The following PAAF1 variants were observed in gnomAD, a reference collection of about 807,000 sequenced individuals.
PAAF1 encodes the protein proteasomal ATPase-associated factor 1.
PAAF1 carries 46 observed loss-of-function variants against 52.8 expected under a neutral mutation model. That is an observed-to-expected ratio of 0.87 (90% CI 0.69 to 1.11). The LOEUF is 1.11. Ranked by LOEUF, PAAF1 falls within the 50% of genes most tolerant of loss-of-function variation. The probability of loss-of-function intolerance (pLI) is 0.00; values close to 1 mark genes in which losing one functional copy is unlikely to be tolerated. For synonymous variants in PAAF1, 178 were observed against 172.8 expected, an observed-to-expected ratio of 1.03 and a Z score of -0.24; for missense variants, 424 against 477.4, an observed-to-expected ratio of 0.89 and a Z score of 1.04.
At chr11:73,897,032 C>T (rs1291717000) in intron 4 of PAAF1, among the ~76,000 whole-genome samples, 2 of 143,842 alleles carry the variant, frequency 1.4e-5, no homozygotes, top group African/African-American at 2.6e-5. Flanking sequence ...AGAGGGGCTC[C>T]TCACTTCCCA....
chr11:73,897,656 C>G (rs1318623251), intron 4 of PAAF1, among the ~76,000 whole-genome samples: 1 of 144,028 alleles, frequency 6.9e-6, no homozygotes, highest in African/African-American at 2.8e-5. Context: ...TCCTCACTTT[C>G]CAGACTGGGC....
At chr11:73,897,600 A>C (rs1293683986) in intron 4 of PAAF1, among the ~76,000 whole-genome samples, 1 of 150,312 alleles carries the variant, frequency 6.7e-6, no homozygotes, top group Admixed American at 6.6e-5. Context: ...GGCCGGGAAG[A>C]GGCGCTCCTC....
At chr11:73,914,312 A>G in intron 7 of PAAF1, 101 bp from the exon 8 acceptor site, 1 of 922,546 alleles carries the variant, frequency 1.1e-6, no homozygotes. Flanking sequence ...TAATAAGTGA[A>G]TCGCTAACAA....
intron 11 of PAAF1, among the ~76,000 whole-genome samples, chr11:73,926,873 T>G (rs2135243356): frequency 6.6e-6 from 1 of 152,254 alleles, no homozygotes; most frequent in African/African-American, 2.4e-5. Context: ...TCATGCTGTT[T>G]TCCTTGAGGA....
At chr11:73,895,398 C>T (rs1322513879) in intron 4 of PAAF1, among the ~76,000 whole-genome samples, 1 of 152,176 alleles carries the variant, frequency 6.6e-6, no homozygotes, top group East Asian at 1.9e-4. Flanking sequence ...ATAGATACCA[C>T]CTGTATCAGG....
At chr11:73,908,855 C>T (rs1949849459) in intron 6 of PAAF1, among the ~76,000 whole-genome samples, 1 of 151,624 alleles carries the variant, frequency 6.6e-6, no homozygotes, top group African/African-American at 2.4e-5. Context: ...GTGGCGTGAT[C>T]TCGGGTCACT....
intron 6 of PAAF1, among the ~76,000 whole-genome samples, chr11:73,907,827 T>C (rs1328842663): frequency 6.6e-6 from 1 of 152,100 alleles, no homozygotes; most frequent in Non-Finnish European, 1.5e-5. Flanking sequence ...AGCTACTTCT[T>C]TCTCAGTCTT....
chr11:73,907,562 G>C (rs758942971), intron 6 of PAAF1, among the ~76,000 whole-genome samples: 6 of 152,156 alleles, frequency 3.9e-5, no homozygotes, highest in Non-Finnish European at 8.8e-5. Context: ...GCACCTCAGG[G>C]CACCTCTTTG....
chr11:73,891,639 G>C (rs534072772), intron 4 of PAAF1, among the ~76,000 whole-genome samples: 2 of 144,108 alleles, frequency 1.4e-5, no homozygotes, highest in South Asian at 4.2e-4. Flanking sequence ...GCTGAGCGTG[G>C]TGGCACTTAC....
At chr11:73,880,890 C>T (rs1163524422) in intron 2 of PAAF1, among the ~76,000 whole-genome samples, 2 of 151,748 alleles carry the variant, frequency 1.3e-5, no homozygotes, top group African/African-American at 2.4e-5. Context: ...ATCCCAGCTA[C>T]TCGGAAGGCT....
intron 3 of PAAF1, chr11:73,889,200 C>G (rs903605236): frequency 6.6e-5 from 99 of 1,501,298 alleles, no homozygotes; most frequent in Non-Finnish European, 8.4e-5. Flanking sequence ...TCACTTCAAA[C>G]ATGATTGCTA....
intron 3 of PAAF1, chr11:73,889,182 A>G (rs2135142640): frequency 6.6e-7 from 1 of 1,522,880 alleles, no homozygotes; most frequent in East Asian, 2.5e-5. Context: ...ACCTGGATAC[A>G]GTCTTTATCA....
intron 9 of PAAF1, among the ~76,000 whole-genome samples, chr11:73,917,235 G>A (rs553056657): frequency 7.2e-5 from 11 of 152,176 alleles, no homozygotes; most frequent in African/African-American, 2.7e-4. Flanking sequence ...TGGTCAGGCT[G>A]ATCTCGAATT....
At chr11:73,886,418 G>A (rs1048697398) in intron 2 of PAAF1, among the ~76,000 whole-genome samples, 1 of 152,154 alleles carries the variant, frequency 6.6e-6, no homozygotes, top group Admixed American at 6.5e-5. Context: ...GCTCACGCCT[G>A]TAATCCCAGC....
In PAAF1 at chr11:73,916,497, A is replaced by C. The variant is rs1591120020; in HGVS notation, c.820-48A>C. 3 of 1,288,700 alleles carry C rather than the reference A, an allele frequency of 2.3e-6. No individual in the cohort carries two copies. The East Asian group carries it at 7.4e-5, about 32-fold the overall frequency. 79.8% of individuals were successfully genotyped at this position (1,288,700 alleles called of 1,614,324 possible). On this transcript the variant is annotated intron_variant, in intron 8 of 11. Coordinates refer to ENST00000310571, the MANE Select transcript of PAAF1 (RefSeq NM_025155.3). ...TTTTTTGGTGCCTGTTTATTCTTGG[A>C]AACAAATTAATCTTTAAACAGCATT...
intron 3 of PAAF1, chr11:73,889,036 T>A: frequency 1.7e-6 from 1 of 601,670 alleles, no homozygotes; most frequent in Non-Finnish European, 2.9e-6. Flanking sequence ...TCTCAAATAA[T>A]CAAAGACAGA....
At chr11:73,927,221 C>A in intron 11 of PAAF1, 64 bp from the exon 12 acceptor site, 3 of 1,230,416 alleles carry the variant, frequency 2.4e-6, no homozygotes, top group Non-Finnish European at 3.6e-6. Context: ...CAATCATAAG[C>A]CTCCATCTTT....
At chr11:73,903,437 C>G (rs1022467708) in intron 6 of PAAF1, among the ~76,000 whole-genome samples, 2 of 152,180 alleles carry the variant, frequency 1.3e-5, no homozygotes, top group African/African-American at 4.8e-5. Flanking sequence ...AAATCTTGGT[C>G]CGGGCACTGT....
At position 73,882,358 on chromosome 11, in the gene PAAF1, T is replaced by C. The variant is rs148586455; in HGVS notation, c.88+3539T>C. On this transcript the variant is annotated intron_variant, in intron 2 of 11. Transcript: ENST00000310571. ...GGTAACTTGTAGATTCAGTTTTCTTTATGAATTGGAGTTAATGATGTCAAC... is the reference window on the plus strand; with the variant it reads ...GGTAACTTGTAGATTCAGTTTTCTTCATGAATTGGAGTTAATGATGTCAAC... Among the ~76,000 whole-genome samples the C allele has an allele frequency of 4.0e-5, 6 of 151,326 alleles. No individual in the cohort carries two copies. The East Asian group carries it at 1.2e-3, about 29-fold the overall frequency.
Sources: gnomAD v4.1 joint callset for allele counts (sites outside exome capture counted in the v4.1 genomes callset) on GRCh38, gnomAD v4.1.1 for gene constraint, MANE v1.5 for transcripts, NCBI Gene and HGNC (gene_info 2026-07-23, HGNC 2026-07-21) for gene names.